CDK15: variants seen among roughly 807,000 people sequenced by gnomAD.
CDK15 encodes cyclin dependent kinase 15.
A neutral mutation model predicts 60.3 loss-of-function variants in CDK15; 62 were observed. That is an observed-to-expected ratio of 1.03 (90% CI 0.84 to 1.27). CDK15 has a LOEUF of 1.27. Among genes scored for constraint, CDK15 ranks in the 50% most tolerant of loss-of-function variants. The pLI, the probability that CDK15 is intolerant of heterozygous loss-of-function variation, is 0.00. For missense variants in CDK15, 541 were observed against 527.8 expected (o/e 1.03, Z -0.25); for synonymous variants, 194 against 195.7 (o/e 0.99, Z 0.07).
intron 12 of CDK15, among the ~76,000 whole-genome samples, chr2:201,884,011 G>A (rs1284238749): frequency 6.6e-6 from 1 of 152,212 alleles, no homozygotes; most frequent in Non-Finnish European, 1.5e-5. Context: ...GTTCTTTCAG[G>A]AAACCTTCCA....
intron 4 of CDK15, among the ~76,000 whole-genome samples, chr2:201,820,704 G>T (rs1014202223): frequency 6.6e-6 from 1 of 152,068 alleles, no homozygotes; most frequent in South Asian, 2.1e-4. Flanking sequence ...TAGGTGGTGT[G>T]GCAGCATCTC....
chr2:201,822,702 C>G, intron 4 of CDK15, 107 bp from the exon 5 acceptor site: 1 of 606,110 alleles, frequency 1.6e-6, no homozygotes, highest in Non-Finnish European at 2.9e-6. Flanking sequence ...AGTAAAATAA[C>G]CAGAATGTTT....
rs141955552 is a variant in CDK15 at position 201,830,472 on chromosome 2, G to A, written c.607-3376G>A. On this transcript the variant is annotated intron_variant, in intron 6 of 13. Coordinates refer to ENST00000652192, the MANE Select transcript of CDK15 (RefSeq NM_001366386.2). ...AAAAAACATTGTGAATGACACAATC[G>A]TTGCAAAAGCATTTTTATAGGGGGA... 9.4e-3 allele frequency among the ~76,000 whole-genome samples: 1,433 copies of A among 152,304 alleles called. 21 individuals carry two copies. Among genetic ancestry groups the A allele is most frequent in the Admixed American group, 0.016 (249 of 15,298 alleles).
At chr2:201,885,029 G>T (rs1208560326) in intron 12 of CDK15, among the ~76,000 whole-genome samples, 1 of 152,148 alleles carries the variant, frequency 6.6e-6, no homozygotes, top group African/African-American at 2.4e-5. Flanking sequence ...AAGATGATGG[G>T]TCTGGATGAT....
At chr2:201,835,888 T>A (rs1696988515) in intron 8 of CDK15, 125 bp downstream of exon 8, 1 of 256,026 alleles carries the variant, frequency 3.9e-6, no homozygotes, top group Non-Finnish European at 6.1e-6. Flanking sequence ...ATATTTATAT[T>A]TATATATTTT....
chr2:201,813,512 G>A (rs772857413), intron 4 of CDK15, among the ~76,000 whole-genome samples: 3 of 152,178 alleles, frequency 2.0e-5, no homozygotes, highest in Non-Finnish European at 4.4e-5. Flanking sequence ...GTTCTTTACT[G>A]AGCACATGCT....
intron 11 of CDK15, among the ~76,000 whole-genome samples, chr2:201,877,090 TCTGGCC>T (rs1456801765): frequency 6.6e-6 from 1 of 152,164 alleles, no homozygotes; most frequent in Admixed American, 6.5e-5. Flanking sequence ...GAGGCACAGC[TCTGGCC>T]AAATAACCTG....
intron 10 of CDK15, among the ~76,000 whole-genome samples, chr2:201,860,046 T>A (rs1031938694): frequency 1.3e-5 from 2 of 152,182 alleles, no homozygotes; most frequent in African/African-American, 4.8e-5. Context: ...CAGTTGTGGT[T>A]TTTAATGTGT....
At chr2:201,859,510 A>G (rs938780367) in intron 10 of CDK15, among the ~76,000 whole-genome samples, 2 of 152,196 alleles carry the variant, frequency 1.3e-5, no homozygotes, top group Admixed American at 6.5e-5. Flanking sequence ...GGAGGAATAT[A>G]CAAGAAGCAG....
intron 10 of CDK15, among the ~76,000 whole-genome samples, chr2:201,871,489 A>C (rs1010186254): frequency 6.6e-6 from 1 of 151,336 alleles, no homozygotes; most frequent in African/African-American, 2.4e-5. Flanking sequence ...TTGAGTCTTT[A>C]AGACTGCCTC....
intron 10 of CDK15, among the ~76,000 whole-genome samples, chr2:201,865,579 G>C (rs1381889337): frequency 2.6e-5 from 4 of 152,130 alleles, no homozygotes. Flanking sequence ...TCCTGATGAT[G>C]CTCAAAGGGG....
chr2:201,886,152 T>C (rs567541290), intron 12 of CDK15, among the ~76,000 whole-genome samples: 1 of 152,158 alleles, frequency 6.6e-6, no homozygotes, highest in Non-Finnish European at 1.5e-5. Flanking sequence ...TGGGAAAGAT[T>C]CCACACATCT....
intron 1 of CDK15, among the ~76,000 whole-genome samples, 133 bp from the exon 2 acceptor site, chr2:201,807,332 TCTTTTTCAGGGATCTTTCAAGAAAAGTGC>T (rs1695553808): frequency 6.6e-6 from 1 of 152,184 alleles, no homozygotes; most frequent in Non-Finnish European, 1.5e-5. Flanking sequence ...ACCATTATGG[TCTTTTTCAGGGATCTTTCAAGAAAAGTGC>T]CTTTTGGGGG....
At chr2:201,863,522 T>G (rs1027503247) in intron 10 of CDK15, among the ~76,000 whole-genome samples, 57 of 152,180 alleles carry the variant, frequency 3.7e-4, no homozygotes, top group African/African-American at 1.3e-3. Flanking sequence ...TTCTCCATGT[T>G]TATGGCCAGT....
intron 13 of CDK15, among the ~76,000 whole-genome samples, chr2:201,891,944 C>T (rs1253821568): frequency 6.6e-6 from 1 of 152,232 alleles, no homozygotes; most frequent in Non-Finnish European, 1.5e-5. Context: ...TATCTCCCTA[C>T]ACACCCCCCA....
intron 10 of CDK15, among the ~76,000 whole-genome samples, chr2:201,868,308 A>G (rs1318158782): frequency 6.6e-6 from 1 of 152,192 alleles, no homozygotes; most frequent in Non-Finnish European, 1.5e-5. Flanking sequence ...AACTATTACT[A>G]TCCCTCTTCT....
At chr2:201,847,273 G>A (rs1212024197) in intron 8 of CDK15, 108 bp from the exon 9 acceptor site, 51 of 1,068,800 alleles carry the variant, frequency 4.8e-5, no homozygotes, top group South Asian at 9.1e-5. Context: ...CATGTGGTCC[G>A]TATTTAACTC....
At chr2:201,857,232 C>CAAA (rs567723960) in intron 10 of CDK15, among the ~76,000 whole-genome samples, 32 of 1,426 alleles carry the variant, frequency 0.022, 12 homozygotes, top group Admixed American at 0.19. Flanking sequence ...GACTCCGTCT[C>CAAA]AAAAAAAAAA....
intron 11 of CDK15, among the ~76,000 whole-genome samples, chr2:201,877,618 T>C (rs972678728): frequency 1.3e-5 from 2 of 152,130 alleles, no homozygotes; most frequent in Admixed American, 1.3e-4. Flanking sequence ...AACATTCCTC[T>C]TCCAAACGTC....
Sources: gnomAD v4.1 joint callset for allele counts (sites outside exome capture counted in the v4.1 genomes callset) on GRCh38, gnomAD v4.1.1 for gene constraint, MANE v1.5 for transcripts, NCBI Gene and HGNC (gene_info 2026-07-23, HGNC 2026-07-21) for gene names.